TRAK1: variants seen among roughly 807,000 people sequenced by gnomAD.
TRAK1 encodes trafficking kinesin protein 1.
A neutral mutation model predicts 92.1 loss-of-function variants in TRAK1; 33 were observed. The ratio of observed to expected loss-of-function variants is 0.36; its 90% confidence interval spans 0.27 to 0.48. TRAK1 has a LOEUF of 0.48. Among genes scored for constraint, TRAK1 ranks in the 20% least tolerant of loss-of-function variants. The pLI, the probability that TRAK1 is intolerant of heterozygous loss-of-function variation, is 0.99. For synonymous variants in TRAK1, 521 were observed against 517.3 expected, an observed-to-expected ratio of 1.01 and a Z score of -0.10; for missense variants, 1,123 against 1,257.9, an observed-to-expected ratio of 0.89 and a Z score of 1.62.
chr3:42,208,596 A>T (rs1190332090), intron 13 of TRAK1, among the ~76,000 whole-genome samples: 1 of 152,202 alleles, frequency 6.6e-6, no homozygotes, highest in African/African-American at 2.4e-5. Flanking sequence ...CTTCTTGCCT[A>T]CCCAGAAAGT....
At chr3:42,039,738 G>A (rs906518357) in intron 1 of TRAK1, among the ~76,000 whole-genome samples, 5 of 152,164 alleles carry the variant, frequency 3.3e-5, no homozygotes, top group African/African-American at 9.7e-5. Context: ...TGTATAACAT[G>A]TTTTCATTTT....
At chr3:42,076,273 T>G (rs1263541885) in intron 1 of TRAK1, among the ~76,000 whole-genome samples, 1 of 128,810 alleles carries the variant, frequency 7.8e-6, no homozygotes, top group Non-Finnish European at 1.5e-5. Context: ...TTGCTCAGGC[T>G]GGAGTGCAAT....
intron 2 of TRAK1, among the ~76,000 whole-genome samples, chr3:42,128,064 A>C (rs1710818923): frequency 6.6e-6 from 1 of 152,290 alleles, no homozygotes; most frequent in African/African-American, 2.4e-5. Context: ...CTGTAATCCC[A>C]GCTACTTGGG....
intron 1 of TRAK1, among the ~76,000 whole-genome samples, chr3:42,103,128 A>G (rs1193380987): frequency 1.3e-5 from 2 of 152,084 alleles, no homozygotes; most frequent in East Asian, 1.9e-4. Context: ...CCCTTTAGCA[A>G]TCATCCCTCA....
intron 1 of TRAK1, among the ~76,000 whole-genome samples, chr3:42,072,262 T>C (rs1354070153): frequency 6.6e-6 from 1 of 151,764 alleles, no homozygotes; most frequent in Non-Finnish European, 1.5e-5. Context: ...CTCTCGGGAG[T>C]CGCCAGCCAA....
chr3:42,054,586 A>G (rs1294695869), intron 1 of TRAK1, among the ~76,000 whole-genome samples: 2 of 152,180 alleles, frequency 1.3e-5, no homozygotes, highest in Non-Finnish European at 2.9e-5. Context: ...CATTCATTCC[A>G]TTGGAAGACT....
chr3:42,082,771 G>T (rs896182787), upstream of TRAK1, among the ~76,000 whole-genome samples: 2 of 152,186 alleles, frequency 1.3e-5, no homozygotes, highest in African/African-American at 2.4e-5. Context: ...TCTGTGTATG[G>T]ATCAGATAGA....
intron 1 of TRAK1, among the ~76,000 whole-genome samples, chr3:42,069,680 G>A (rs956217598): frequency 3.3e-5 from 5 of 152,152 alleles, no homozygotes; most frequent in African/African-American, 9.7e-5. Context: ...TGGAAATGGC[G>A]TTGTGGTGAA....
chr3:42,079,206 CTG>C (rs1022415916), intron 1 of TRAK1, among the ~76,000 whole-genome samples: 1 of 152,234 alleles, frequency 6.6e-6, no homozygotes, highest in Non-Finnish European at 1.5e-5. Context: ...TAATAGAACA[CTG>C]ACATAATCCC....
intron 9 of TRAK1, 21 bp downstream of exon 9, chr3:42,193,919 C>A: frequency 6.2e-7 from 1 of 1,609,664 alleles, no homozygotes; most frequent in Admixed American, 1.7e-5. Flanking sequence ...CTCCCTCATT[C>A]CTTCAGTGCC....
At chr3:42,212,791 C>G (rs1287997912) in intron 14 of TRAK1, among the ~76,000 whole-genome samples, 5 of 152,190 alleles carry the variant, frequency 3.3e-5, no homozygotes, top group Non-Finnish European at 1.5e-5. Flanking sequence ...GTTAAAGTCA[C>G]ACAGTTAAAT....
chr3:42,122,435 C>T (rs1335910561), intron 1 of TRAK1, among the ~76,000 whole-genome samples: 4 of 151,594 alleles, frequency 2.6e-5, no homozygotes, highest in Admixed American at 6.6e-5. Flanking sequence ...GTGTGTCATG[C>T]GGGAATGTGT....
upstream of TRAK1, among the ~76,000 whole-genome samples, chr3:42,086,907 T>A (rs1317039489): frequency 1.3e-5 from 2 of 152,160 alleles, no homozygotes; most frequent in Non-Finnish European, 2.9e-5. Flanking sequence ...TGGTCAATAT[T>A]GATTAGTTGA....
At chr3:42,020,627 T>C (rs1001623593) in intron 1 of TRAK1, among the ~76,000 whole-genome samples, 3 of 152,336 alleles carry the variant, frequency 2.0e-5, no homozygotes, top group African/African-American at 7.2e-5. Flanking sequence ...TAAGTACTCA[T>C]TTCTATCGGG....
chr3:42,200,019 C>T (rs905977921), intron 11 of TRAK1, among the ~76,000 whole-genome samples: 3 of 152,220 alleles, frequency 2.0e-5, no homozygotes, highest in Non-Finnish European at 4.4e-5. Flanking sequence ...TGAGCTTCTA[C>T]CATCTGTCTT....
chr3:42,200,595 C>T (rs535251956), intron 11 of TRAK1, among the ~76,000 whole-genome samples: 8 of 152,300 alleles, frequency 5.3e-5, no homozygotes, highest in Admixed American at 2.6e-4. Context: ...TACAACCATG[C>T]GTTCGAGTCC....
At chr3:42,145,878 G>A in intron 2 of TRAK1, 1 of 259,906 alleles carries the variant, frequency 3.8e-6, no homozygotes, top group South Asian at 4.3e-5. Context: ...GGACAACATT[G>A]TATCTGCATA....
chr3:42,122,935 C>T (rs1251285303), intron 1 of TRAK1, among the ~76,000 whole-genome samples: 2 of 152,086 alleles, frequency 1.3e-5, no homozygotes, highest in Non-Finnish European at 2.9e-5. Context: ...AGATAGAGTC[C>T]CCCCTCCAGG....
At position 42,017,626 on chromosome 3, in the gene TRAK1, A is replaced by G. The variant is rs77615916; in HGVS notation, c.-519+3509A>G. Among the ~76,000 whole-genome samples, 3 of 152,326 alleles carry G rather than the reference A, an allele frequency of 2.0e-5. No homozygotes were observed. In the East Asian group the frequency reaches 5.8e-4, roughly 29 times the overall value. On this transcript the variant is annotated intron_variant, in intron 1 of 16. Transcript: ENST00000487159. ...AGACAGTAAATAATTGCATATGTGT[A>G]AAACTGGATGTCTCCTGAGTTACAC...
Sources: gnomAD v4.1 joint callset for allele counts (sites outside exome capture counted in the v4.1 genomes callset) on GRCh38, gnomAD v4.1.1 for gene constraint, MANE v1.5 for transcripts, NCBI Gene and HGNC (gene_info 2026-07-23, HGNC 2026-07-21) for gene names.